BCR: variants seen among roughly 807,000 people sequenced by gnomAD.
BCR encodes breakpoint cluster region protein.
In BCR, 58 loss-of-function variants were observed where a neutral mutation model predicts 138.6. The ratio of observed to expected loss-of-function variants is 0.42; its 90% CI spans 0.34 to 0.52. The LOEUF is 0.52. BCR is among the 20% of genes least tolerant of loss of function. The pLI, the probability that BCR is intolerant of heterozygous loss-of-function variation, is 0.06. For synonymous variants in BCR, 786 were observed against 730.1 expected (o/e 1.08, Z -1.23); for missense variants, 1,599 against 1,727.2 (o/e 0.93, Z 1.32).
chr22:23,273,043 C>T (rs1297851717), intron 6 of BCR, 38 bp from the exon 7 acceptor site: 6 of 1,606,834 alleles, frequency 3.7e-6, no homozygotes, highest in South Asian at 1.1e-5. Context: ...TGTGCTTCTC[C>T]ATGTGCAACC....
Position 23,188,514 on chromosome 22 carries a change from T to A in BCR, c.1279+6275T>A, listed in dbSNP as rs1170026820. On this transcript the variant is annotated intron_variant, in intron 1 of 22. Transcript: ENST00000305877. ...AGGTGAGCTATGTGCTTGAGCACAC[T>A]TGGGAGAGGACACAGCAGTGCATGA... Among the ~76,000 whole-genome samples, 5 of 152,212 alleles carry A rather than the reference T, an allele frequency of 3.3e-5. No individual in the cohort carries two copies. The East Asian group carries it at 7.7e-4, about 23-fold the overall frequency.
rs2073760493 is a variant in BCR, at chr22:23,289,626, G to GT, written c.2707+5_2707+6insT. 6.2e-7 allele frequency: 1 copy of GT among 1,608,328 alleles called. No homozygotes were observed. Among genetic ancestry groups the GT allele is most frequent in the Non-Finnish European group, 8.5e-7 (1 of 1,175,294 alleles). On this transcript the variant is annotated splice_donor_region_variant and intron_variant, in intron 13 of 22. Transcript: ENST00000305877. ...CGCTGACCATCAATAAGGAAGGTGGGCCCCCCCGTTTCCGTGTACAGGGCA... is the reference window on the plus strand; with the variant it reads ...CGCTGACCATCAATAAGGAAGGTGGGTCCCCCCCGTTTCCGTGTACAGGGCA...
chr22:23,289,430 A>G, intron 12 of BCR, 87 bp from the exon 13 acceptor site: 3 of 1,136,272 alleles, frequency 2.6e-6, no homozygotes, highest in Non-Finnish European at 3.9e-6. Flanking sequence ...CCCCTTCCCC[A>G]GGGTGTGTGG....
At chr22:23,297,808 A>G (rs1226978424) in intron 16 of BCR, among the ~76,000 whole-genome samples, 1 of 150,644 alleles carries the variant, frequency 6.6e-6, no homozygotes, top group Non-Finnish European at 1.5e-5. Flanking sequence ...TTGCTAAGTA[A>G]CTGGGGGTCT....
At chr22:23,299,407 C>T (rs2073880319) in intron 16 of BCR, among the ~76,000 whole-genome samples, 1 of 152,136 alleles carries the variant, frequency 6.6e-6, no homozygotes, top group Non-Finnish European at 1.5e-5. Flanking sequence ...GGGTGAATGG[C>T]TGTGTGGACG....
chr22:23,202,290 A>G (rs149723475), intron 1 of BCR, among the ~76,000 whole-genome samples: 1 of 152,304 alleles, frequency 6.6e-6, no homozygotes, highest in East Asian at 1.9e-4. Flanking sequence ...ATATTACATT[A>G]TTACTTTTTA....
intron 1 of BCR, among the ~76,000 whole-genome samples, chr22:23,227,376 C>T (rs1044793846): frequency 1.1e-4 from 17 of 152,194 alleles, no homozygotes; most frequent in Non-Finnish European, 2.2e-4. Context: ...GCACAGCCCA[C>T]GATCAGGGAG....
At chr22:23,283,855 T>G (rs1602102301) in intron 8 of BCR, 122 bp from the exon 9 acceptor site, 1 of 1,330,122 alleles carries the variant, frequency 7.5e-7, no homozygotes. Flanking sequence ...GTGGAGGGAG[T>G]GAAATCTTCC....
At chr22:23,294,384 A>G (rs2073822855) in intron 15 of BCR, among the ~76,000 whole-genome samples, 1 of 152,224 alleles carries the variant, frequency 6.6e-6, no homozygotes, top group Non-Finnish European at 1.5e-5. Flanking sequence ...TCGACAGATC[A>G]TTATCTTTCA....
chr22:23,314,317 A>T (rs978567348), intron 21 of BCR, among the ~76,000 whole-genome samples: 18 of 152,140 alleles, frequency 1.2e-4, no homozygotes, highest in African/African-American at 4.3e-4. Context: ...CCAGCAGTGC[A>T]CTTGGACCCC....
At chr22:23,218,452 C>T (rs2072782312) in intron 1 of BCR, among the ~76,000 whole-genome samples, 1 of 152,254 alleles carries the variant, frequency 6.6e-6, no homozygotes, top group Non-Finnish European at 1.5e-5. Context: ...CTCTCCCACC[C>T]ACTAGTTGTC....
Position 23,244,309 on chromosome 22 carries a change from T to A in BCR, c.1280-9490T>A, listed in dbSNP as rs368116590. On this transcript the variant is annotated intron_variant, in intron 1 of 22. Coordinates refer to ENST00000305877, the MANE Select transcript of BCR (RefSeq NM_004327.4). ...TCAAAGCCTTTAACTTCATTACATC[T>A]GCAAAAAGACTCTTTCCAGGTAAGG... 6.1e-4 allele frequency among the ~76,000 whole-genome samples: 93 copies of A among 152,304 alleles called. 2 individuals carry two copies. The South Asian group carries it at 0.018, about 30-fold the overall frequency.
At chr22:23,284,572 C>CT (rs1373785928) in intron 9 of BCR, among the ~76,000 whole-genome samples, 1 of 152,190 alleles carries the variant, frequency 6.6e-6, no homozygotes, top group Non-Finnish European at 1.5e-5. Flanking sequence ...GCACGGGGCT[C>CT]TTTCCTGCAT....
At chr22:23,257,079 G>C (rs2073302870) in intron 2 of BCR, among the ~76,000 whole-genome samples, 1 of 152,054 alleles carries the variant, frequency 6.6e-6, no homozygotes, top group Non-Finnish European at 1.5e-5. Context: ...GCACAGCCCT[G>C]AGTTATAAAT....
At chr22:23,195,131 G>GCTGAGC (rs1377277775) in intron 1 of BCR, among the ~76,000 whole-genome samples, 2 of 151,576 alleles carry the variant, frequency 1.3e-5, no homozygotes, top group Non-Finnish European at 2.9e-5. Context: ...ACAAAAATGA[G>GCTGAGC]CTGAGCAGGC....
rs6003542 is a variant in BCR at position 23,182,402 on chromosome 22, C to T, written c.1279+163C>T. Reference sequence around the variant, plus strand: ...GATCCTGCACCCGAACAAACTCCATCCCCTCCTCCTTCCTGAATGCATACT... The same window carrying T: ...GATCCTGCACCCGAACAAACTCCATTCCCTCCTCCTTCCTGAATGCATACT... On this transcript the variant is annotated intron_variant, in intron 1 of 22. Transcript: ENST00000305877. 4.9e-3 allele frequency among the ~76,000 whole-genome samples: 745 copies of T among 152,334 alleles called. 5 individuals are homozygous for T. Among genetic ancestry groups the T allele is most frequent in the African/African-American group, 0.017 (696 of 41,574 alleles).
chr22:23,236,485 C>T (rs1446168085), intron 1 of BCR, among the ~76,000 whole-genome samples: 1 of 152,230 alleles, frequency 6.6e-6, no homozygotes, highest in African/African-American at 2.4e-5. Flanking sequence ...TTTCCTGGTA[C>T]AGTCCCCATC....
intron 16 of BCR, chr22:23,302,756 C>T (rs1035588579): frequency 6.6e-6 from 1 of 152,256 alleles, no homozygotes; most frequent in Admixed American, 6.5e-5. Context: ...ACAAACAAGC[C>T]CCCCAGCTGG....
intron 2 of BCR, among the ~76,000 whole-genome samples, chr22:23,260,273 G>C (rs1210623396): frequency 1.3e-5 from 2 of 152,336 alleles, no homozygotes; most frequent in African/African-American, 4.8e-5. Flanking sequence ...ATGAGAAGGG[G>C]GGACTTTGTC....
Sources: gnomAD v4.1 joint callset for allele counts (sites outside exome capture counted in the v4.1 genomes callset) on GRCh38, gnomAD v4.1.1 for gene constraint, MANE v1.5 for transcripts, NCBI Gene and HGNC (gene_info 2026-07-23, HGNC 2026-07-21) for gene names.